Variants in QSER1 observed in about 807,000 individuals in gnomAD.
The protein encoded by QSER1 is glutamine and serine-rich protein 1.
A neutral mutation model predicts 158.5 loss-of-function variants in QSER1; 49 were observed. That is an observed-to-expected ratio of 0.31 (90% CI 0.25 to 0.39). The LOEUF (loss-of-function observed/expected upper bound fraction) is 0.39, where lower values mean the gene tolerates loss of function less well. Among genes scored for constraint, QSER1 ranks in the 10% least tolerant of loss-of-function variants. The pLI is 1.00. For synonymous variants in QSER1, 650 were observed against 715.5 expected, an observed-to-expected ratio of 0.91 and a Z score of 1.46; for missense variants, 1,754 against 2,010.3, an observed-to-expected ratio of 0.87 and a Z score of 2.44.
chr11:32,924,761 G>T (rs1484854861), intron 1 of QSER1, among the ~76,000 whole-genome samples: 1 of 152,016 alleles, frequency 6.6e-6, no homozygotes, highest in Non-Finnish European at 1.5e-5. Flanking sequence ...TTTTATTTTA[G>T]ATTCAGGGGG....
chr11:32,975,403 CA>C lies in QSER1; in HGVS notation c.5454+61del, dbSNP rs1218786855. On this transcript the variant is annotated intron_variant, in intron 12 of 12. Coordinates refer to ENST00000650167, the MANE Select transcript of QSER1 (RefSeq NM_001076786.3). Reference sequence around the variant, plus strand: ...TTCAGAATGTTAAGGAGACTCTAGCCATAGTATTTTGGAGTGTTTTAAAGAG... The same window carrying C: ...TTCAGAATGTTAAGGAGACTCTAGCCTAGTATTTTGGAGTGTTTTAAAGAG... 3 of 1,592,736 alleles carry C rather than the reference CA, an allele frequency of 1.9e-6. No homozygotes were observed. In the Admixed American group the frequency reaches 5.1e-5, roughly 27 times the overall value.
intron 4 of QSER1, among the ~76,000 whole-genome samples, chr11:32,943,786 T>C (rs902766150): frequency 6.6e-6 from 1 of 152,334 alleles, no homozygotes; most frequent in East Asian, 1.9e-4. Flanking sequence ...TTTCTATTGA[T>C]TGCAATAGTT....
At chr11:32,897,764 A>C (rs1040520877) in intron 1 of QSER1, among the ~76,000 whole-genome samples, 5 of 152,028 alleles carry the variant, frequency 3.3e-5, no homozygotes, top group African/African-American at 1.2e-4. Context: ...CACATAACCA[A>C]CTACCTCTTT....
chr11:32,903,744 C>G (rs576289336), intron 1 of QSER1, among the ~76,000 whole-genome samples: 2 of 151,802 alleles, frequency 1.3e-5, no homozygotes, highest in Non-Finnish European at 2.9e-5. Context: ...CCCAAGTAGC[C>G]GAGATTACAG....
At chr11:32,969,357 CTATT>C (rs1431261195) in intron 10 of QSER1, among the ~76,000 whole-genome samples, 3 of 152,060 alleles carry the variant, frequency 2.0e-5, no homozygotes, top group Non-Finnish European at 4.4e-5. Context: ...TTATAGTTAT[CTATT>C]ATATCTTCTA....
At chr11:32,971,961 GCT>G (rs1852867886) in intron 10 of QSER1, among the ~76,000 whole-genome samples, 1 of 151,674 alleles carries the variant, frequency 6.6e-6, no homozygotes, top group Admixed American at 6.6e-5. Context: ...TACTCGGGAG[GCT>G]GAGGCAGGAG....
In QSER1 at chr11:32,978,514, A is replaced by G. The variant is rs1853014838; in HGVS notation, c.*2040A>G. The stretch of plus-strand genomic sequence containing the variant: ...TTTTTAAAGCCACCTTAATTTAGGT[A>G]GCTCTTGGAATCGATGTTTGAATTC... On this transcript the variant is annotated 3_prime_UTR_variant, in exon 13 of 13. Coordinates refer to ENST00000650167, the MANE Select transcript of QSER1 (RefSeq NM_001076786.3). 1.3e-5 allele frequency: 2 copies of G among 152,266 alleles called. No homozygotes were observed. Among genetic ancestry groups the G allele is most frequent in the South Asian group, 2.1e-4 (1 of 4,834 alleles). The allele number at this position is 152,266 out of a possible 1,614,324, so 9.4% of individuals were successfully genotyped here.
At chr11:32,951,985 G>A (rs1852429840) in intron 4 of QSER1, among the ~76,000 whole-genome samples, 1 of 152,006 alleles carries the variant, frequency 6.6e-6, no homozygotes, top group Non-Finnish European at 1.5e-5. Context: ...TTGCAGGTGT[G>A]TACCACCATG....
At chr11:32,970,851 C>T (rs1852838393) in intron 10 of QSER1, among the ~76,000 whole-genome samples, 1 of 151,284 alleles carries the variant, frequency 6.6e-6, no homozygotes, top group African/African-American at 2.4e-5. Flanking sequence ...CCAGGTTTGG[C>T]TAATCACTGT....
Position 32,966,349 on chromosome 11 carries a change from A to G in QSER1, c.5019A>G (p.Ala1673=). ...TCACTCGCTTTTTGAACACAAGAGC[A>G]ATGAAGGAAACCTTTAAGAGCTACA... The part of the protein sequence containing the change: ...PFVTRFLNTR[A]MKETFKSYME... Residue 1673 remains alanine (A), a synonymous_variant, in exon 9 of 13, where the codon GCA becomes GCG. Transcript: ENST00000650167. 3 of 1,614,124 alleles carry G rather than the reference A, an allele frequency of 1.9e-6. No homozygotes were observed. The highest frequency in any genetic ancestry group is 2.5e-6 in the Non-Finnish European group (3 of 1,179,984).
At chr11:32,957,213 C>T in intron 7 of QSER1, among the ~76,000 whole-genome samples, 1 of 145,358 alleles carries the variant, frequency 6.9e-6, no homozygotes, top group African/African-American at 2.6e-5. Context: ...GTGATCTTGG[C>T]TCACTGCAAC....
intron 1 of QSER1, among the ~76,000 whole-genome samples, chr11:32,925,161 TTGC>T (rs1454126872): frequency 1.3e-5 from 2 of 152,226 alleles, no homozygotes; most frequent in Admixed American, 6.5e-5. Flanking sequence ...CTCCATGTCT[TTGC>T]TATTGTGAAT....
Position 32,933,468 on chromosome 11 carries a change from A to C in QSER1, c.2210A>C (p.Gln737Pro). The C allele has an allele frequency of 6.2e-7, 1 of 1,612,524 alleles. No homozygotes were observed. Among genetic ancestry groups the C allele is most frequent in the Non-Finnish European group, 8.5e-7 (1 of 1,179,452 alleles). ...KVSKADDRYS[Q>P]SVIRSNSRLE... ...TCAAAGGCAGATGACAGATATTCTCAGAGTGTAATCAGAAGTAATTCCCGT... is the reference window on the plus strand; with the variant it reads ...TCAAAGGCAGATGACAGATATTCTCCGAGTGTAATCAGAAGTAATTCCCGT... The change falls in exon 4 of 13, where the codon CAG becomes CCG. Residue 737 changes from glutamine to proline, a missense_variant. Transcript: ENST00000650167.
At chr11:32,959,327 A>G (rs893224533) in intron 8 of QSER1, among the ~76,000 whole-genome samples, 1 of 152,156 alleles carries the variant, frequency 6.6e-6, no homozygotes, top group Non-Finnish European at 1.5e-5. Context: ...GCTGGCCCCT[A>G]TTTTTCTAGA....
At chr11:32,973,787 G>GAATTAGCC (rs1852917100) in intron 11 of QSER1, among the ~76,000 whole-genome samples, 1 of 152,122 alleles carries the variant, frequency 6.6e-6, no homozygotes, top group African/African-American at 2.4e-5. Flanking sequence ...TGACTAATAT[G>GAATTAGCC]GAAGAAATCA....
At position 32,959,601 on chromosome 11, in the gene QSER1, G is replaced by A. The variant is rs560300598; in HGVS notation, c.4969+1515G>A. On this transcript the variant is annotated intron_variant, in intron 8 of 12. Transcript: ENST00000650167. ...GATGTAATTTTGGCAGAACTTGAAT[G>A]GTGAATTAGTTGTTGGGGCTATGGT... 7.9e-5 allele frequency among the ~76,000 whole-genome samples: 12 copies of A among 152,258 alleles called. 1 individual carries two copies. Among genetic ancestry groups the A allele is most frequent in the Admixed American group, 2.0e-4 (3 of 15,286 alleles).
intron 4 of QSER1, among the ~76,000 whole-genome samples, chr11:32,946,402 T>C (rs9667518): frequency 0.98 from 146,983 of 150,668 alleles, 71,790 homozygotes; most frequent in East Asian, 1. Context: ...TGGTGATGTA[T>C]AGATGGGTTT....
chr11:32,901,198 G>A (rs1170962468), intron 1 of QSER1, among the ~76,000 whole-genome samples: 1 of 152,182 alleles, frequency 6.6e-6, no homozygotes, highest in East Asian at 1.9e-4. Context: ...TAGAATTCTT[G>A]AAGATTAAAT....
intron 8 of QSER1, among the ~76,000 whole-genome samples, chr11:32,959,845 T>C (rs1164842000): frequency 6.6e-6 from 1 of 152,202 alleles, no homozygotes; most frequent in Non-Finnish European, 1.5e-5. Flanking sequence ...CACTGTAGCC[T>C]CGACCTCCCA....
Sources: gnomAD v4.1 joint callset for allele counts (sites outside exome capture counted in the v4.1 genomes callset) on GRCh38, gnomAD v4.1.1 for gene constraint, MANE v1.5 for transcripts, NCBI Gene and HGNC (gene_info 2026-07-23, HGNC 2026-07-21) for gene names.